Variants in CADPS2 observed in about 807,000 individuals in gnomAD.
CADPS2 encodes the protein calcium-dependent secretion activator 2.
A neutral mutation model predicts 172.5 loss-of-function variants in CADPS2; 93 were observed. The observed-to-expected ratio is 0.54, with a 90% CI of 0.46 to 0.64. The LOEUF (loss-of-function observed/expected upper bound fraction) is 0.64. CADPS2 is among the 30% of genes least tolerant of loss of function. CADPS2 has a pLI of 0.00. For missense variants in CADPS2, 1,420 were observed against 1,565.9 expected (o/e 0.91, Z 1.57); for synonymous variants, 546 against 555.2 (o/e 0.98, Z 0.23).
At chr7:122,718,566 G>A (rs953457570) in intron 2 of CADPS2, among the ~76,000 whole-genome samples, 2 of 152,126 alleles carry the variant, frequency 1.3e-5, no homozygotes, top group African/African-American at 4.8e-5. Flanking sequence ...GGCATATTCA[G>A]TACCCACAGG....
At chr7:122,410,615 A>G (rs2047188955) in intron 19 of CADPS2, among the ~76,000 whole-genome samples, 1 of 152,158 alleles carries the variant, frequency 6.6e-6, no homozygotes, top group Non-Finnish European at 1.5e-5. Context: ...AATAGGCAAT[A>G]ACAATACTTG....
rs141599691 is a variant in CADPS2, at chr7:122,698,050, T to C, written c.454-34481A>G. 2.2e-3 allele frequency: 3,605 copies of C among 1,613,954 alleles called. 7 individuals carry two copies. Among genetic ancestry groups the C allele is most frequent in the Non-Finnish European group, 2.9e-3 (3,406 of 1,179,920 alleles). On this transcript the variant is annotated intron_variant, in intron 2 of 29. Transcript: ENST00000449022. ...ACATTTGCAAATGGGGCATGTCCCA[T>C]GGGGTAAAATCCAGGGGTCAATGCA... is the stretch of plus-strand genomic sequence containing the variant.
chr7:122,833,522 A>G (rs933575682), intron 1 of CADPS2, among the ~76,000 whole-genome samples: 1 of 150,200 alleles, frequency 6.7e-6, no homozygotes. Context: ...CTCCCACCAC[A>G]CCCAGCTTTG....
intron 15 of CADPS2, among the ~76,000 whole-genome samples, chr7:122,445,716 G>A (rs2052082331): frequency 6.6e-6 from 1 of 152,134 alleles, no homozygotes; most frequent in Non-Finnish European, 1.5e-5. Context: ...TTGGGATGCT[G>A]AGGTGGGAGG....
intron 1 of CADPS2, among the ~76,000 whole-genome samples, chr7:122,786,215 G>A (rs1304403886): frequency 6.6e-6 from 1 of 152,080 alleles, no homozygotes; most frequent in Non-Finnish European, 1.5e-5. Context: ...CATGTAAATG[G>A]CAAATTAGCA....
At chr7:122,723,654 T>C (rs1417664330) in intron 2 of CADPS2, among the ~76,000 whole-genome samples, 1 of 152,158 alleles carries the variant, frequency 6.6e-6, no homozygotes, top group African/African-American at 2.4e-5. Context: ...GAAATACCAT[T>C]TGACCCAGTC....
intron 6 of CADPS2, among the ~76,000 whole-genome samples, chr7:122,593,464 G>T (rs986071284): frequency 9.9e-5 from 15 of 151,898 alleles, no homozygotes; most frequent in African/African-American, 3.6e-4. Context: ...AAAGACCCGG[G>T]GCGAGCAACT....
intron 8 of CADPS2, among the ~76,000 whole-genome samples, chr7:122,532,275 C>CA (rs953566585): frequency 6.6e-6 from 1 of 151,908 alleles, no homozygotes; most frequent in Admixed American, 6.6e-5. Flanking sequence ...CAATCACGGG[C>CA]AAAAAAATTA....
intron 8 of CADPS2, among the ~76,000 whole-genome samples, chr7:122,521,240 AT>A (rs1563581577): frequency 6.6e-6 from 1 of 152,216 alleles, no homozygotes; most frequent in South Asian, 2.1e-4. Flanking sequence ...ACTTGTGAAA[AT>A]GATTTTCGGT....
At chr7:122,405,604 T>C (rs2046553415) in intron 20 of CADPS2, among the ~76,000 whole-genome samples, 1 of 151,990 alleles carries the variant, frequency 6.6e-6, no homozygotes, top group Admixed American at 6.5e-5. Flanking sequence ...CCACTGGAAG[T>C]GCCACTGGGA....
chr7:122,777,565 A>C (rs1216114574), intron 1 of CADPS2, among the ~76,000 whole-genome samples: 2 of 152,164 alleles, frequency 1.3e-5, no homozygotes, highest in Non-Finnish European at 2.9e-5. Flanking sequence ...TAGTTCTTAT[A>C]ATTCCCATGT....
chr7:122,375,530 T>C (rs898195791), intron 25 of CADPS2, among the ~76,000 whole-genome samples: 4 of 152,014 alleles, frequency 2.6e-5, no homozygotes, highest in South Asian at 2.1e-4. Context: ...GATGTACACA[T>C]ACAAAAGAAT....
intron 6 of CADPS2, among the ~76,000 whole-genome samples, chr7:122,585,088 T>G (rs887814396): frequency 9.2e-5 from 14 of 151,968 alleles, no homozygotes; most frequent in Admixed American, 9.2e-4. Context: ...TAACGTGTTC[T>G]CAGGCAAAGG....
At chr7:122,640,545 A>T (rs2077516115) in intron 3 of CADPS2, among the ~76,000 whole-genome samples, 1 of 152,152 alleles carries the variant, frequency 6.6e-6, no homozygotes. Flanking sequence ...GAAGAAATAA[A>T]TAAAAGCCTG....
intron 9 of CADPS2, among the ~76,000 whole-genome samples, chr7:122,494,600 C>A (rs2058583383): frequency 6.6e-6 from 1 of 151,260 alleles, no homozygotes; most frequent in South Asian, 2.1e-4. Context: ...GTGATTATTA[C>A]AGGATGGTGA....
At chr7:122,463,251 A>G (rs1001168416) in intron 14 of CADPS2, among the ~76,000 whole-genome samples, 3 of 152,230 alleles carry the variant, frequency 2.0e-5, no homozygotes, top group African/African-American at 7.2e-5. Context: ...CACAGATCAC[A>G]TTCTCTGAAC....
chr7:122,844,463 A>G (rs1189964860), intron 1 of CADPS2, among the ~76,000 whole-genome samples: 1 of 152,196 alleles, frequency 6.6e-6, no homozygotes, highest in African/African-American at 2.4e-5. Context: ...ATCACTTTTT[A>G]TAAGAGTTTC....
intron 23 of CADPS2, among the ~76,000 whole-genome samples, chr7:122,387,645 G>A (rs1415027028): frequency 6.6e-6 from 1 of 152,058 alleles, no homozygotes; most frequent in Non-Finnish European, 1.5e-5. Context: ...AACAGACAAT[G>A]TGTAATTCTT....
At chr7:122,713,740 T>C (rs1226837453) in intron 2 of CADPS2, among the ~76,000 whole-genome samples, 1 of 152,076 alleles carries the variant, frequency 6.6e-6, no homozygotes, top group Admixed American at 6.6e-5. Context: ...AAGCAGCTAG[T>C]ATTTGAATGC....
Sources: gnomAD v4.1 joint callset for allele counts (sites outside exome capture counted in the v4.1 genomes callset) on GRCh38, gnomAD v4.1.1 for gene constraint, MANE v1.5 for transcripts, NCBI Gene and HGNC (gene_info 2026-07-23, HGNC 2026-07-21) for gene names.